The following PJA2 variants were observed in gnomAD, a reference collection of about 807,000 sequenced individuals.
PJA2 encodes the protein praja ring finger ubiquitin ligase 2.
PJA2 carries 25 observed loss-of-function variants against 69.3 expected under a neutral mutation model. The observed-to-expected ratio is 0.36, with a 90% CI of 0.26 to 0.50. PJA2 has a LOEUF of 0.50. Ranked by LOEUF, PJA2 falls within the 20% of genes least tolerant of loss-of-function variation. PJA2 has a pLI of 0.96. For synonymous variants in PJA2, 308 were observed against 277.8 expected (o/e 1.11, Z -1.08); for missense variants, 809 against 830.2 (o/e 0.97, Z 0.31).
In PJA2 at chr5:109,337,199, T is replaced by C. The variant is rs1239536405; in HGVS notation, c.*32A>G. 6.2e-7 allele frequency: 1 copy of C among 1,604,616 alleles called. No individual in the cohort carries two copies. Among genetic ancestry groups the C allele is most frequent in the Non-Finnish European group, 8.5e-7 (1 of 1,176,296 alleles). The stretch of plus-strand genomic sequence containing the variant: ...TTAGAAGGAATTTGCAGATTTACTT[T>C]GATACACTGATCTCATTTCAACTGT... On this transcript the variant is annotated 3_prime_UTR_variant, in exon 10 of 10. Coordinates refer to ENST00000361189, the MANE Select transcript of PJA2 (RefSeq NM_014819.5).
chr5:109,367,683 A>C (rs1414869604), intron 5 of PJA2, among the ~76,000 whole-genome samples: 3 of 152,232 alleles, frequency 2.0e-5, no homozygotes, highest in Non-Finnish European at 4.4e-5. Context: ...TCATTATAAA[A>C]ATCCCATGTA....
chr5:109,402,389 T>C (rs1184229232), intron 1 of PJA2, among the ~76,000 whole-genome samples: 1 of 152,110 alleles, frequency 6.6e-6, no homozygotes, highest in Admixed American at 6.5e-5. Flanking sequence ...AGAGGCTGTA[T>C]TAATATTAGA....
At chr5:109,407,556 TA>T (rs1361366297) in intron 1 of PJA2, among the ~76,000 whole-genome samples, 1 of 152,186 alleles carries the variant, frequency 6.6e-6, no homozygotes, top group African/African-American at 2.4e-5. Context: ...CAACATTTTA[TA>T]AGATGTATAA....
chr5:109,402,710 T>C (rs1235144514), intron 1 of PJA2, among the ~76,000 whole-genome samples: 1 of 152,176 alleles, frequency 6.6e-6, no homozygotes, highest in Non-Finnish European at 1.5e-5. Flanking sequence ...ATACACATTA[T>C]TTTGAAGTGT....
chr5:109,388,848 C>T (rs1211099329), intron 1 of PJA2, among the ~76,000 whole-genome samples: 1 of 152,138 alleles, frequency 6.6e-6, no homozygotes. Flanking sequence ...GTATAATTAA[C>T]TTACCCTGCA....
chr5:109,368,154 A>C (rs1474030826), intron 5 of PJA2, among the ~76,000 whole-genome samples: 2 of 152,216 alleles, frequency 1.3e-5, no homozygotes, highest in African/African-American at 4.8e-5. Context: ...GATCTCATCC[A>C]ATGCAATTAG....
At chr5:109,359,623 T>C (rs114676094) in intron 6 of PJA2, among the ~76,000 whole-genome samples, 4,205 of 152,188 alleles carry the variant, frequency 0.028, 87 homozygotes, top group Non-Finnish European at 0.042. Flanking sequence ...AAAAAATAAA[T>C]GACCTGTACT....
intron 1 of PJA2, among the ~76,000 whole-genome samples, chr5:109,407,511 C>A (rs1017737201): frequency 6.6e-6 from 1 of 152,120 alleles, no homozygotes; most frequent in Non-Finnish European, 1.5e-5. Context: ...TTGTTGTTAG[C>A]TATCAGTGCT....
At position 109,335,049 on chromosome 5, in the gene PJA2, A is replaced by C. The variant is rs1385069076; in HGVS notation, c.*2182T>G. 1.3e-5 allele frequency: 2 copies of C among 152,660 alleles called. No individual in the cohort carries two copies. Among genetic ancestry groups the C allele is most frequent in the African/African-American group, 4.8e-5 (2 of 41,460 alleles). 9.5% of individuals were successfully genotyped at this position (152,660 alleles called of 1,614,324 possible). On this transcript the variant is annotated 3_prime_UTR_variant, in exon 10 of 10. Transcript: ENST00000361189. ...AAATAAGATAAATGCTATTTTATTA[A>C]TATTCATACTTATTTCTAATTTACC...
intron 6 of PJA2, among the ~76,000 whole-genome samples, chr5:109,358,229 A>AC (rs1447701744): frequency 1.3e-5 from 2 of 152,204 alleles, no homozygotes; most frequent in African/African-American, 4.8e-5. Context: ...AGGGAGGGAA[A>AC]CCGCTTAAAG....
chr5:109,354,909 G>A (rs1169846103), intron 7 of PJA2, among the ~76,000 whole-genome samples: 2 of 151,884 alleles, frequency 1.3e-5, no homozygotes, highest in African/African-American at 2.4e-5. Context: ...CAGGGCAGGA[G>A]TTTGAGACCA....
chr5:109,381,429 C>A lies in PJA2; in HGVS notation c.232+74G>T, dbSNP rs1371062462. On this transcript the variant is annotated intron_variant, in intron 3 of 9. Coordinates refer to ENST00000361189, the MANE Select transcript of PJA2 (RefSeq NM_014819.5). The stretch of plus-strand genomic sequence containing the variant: ...TACACTCACAGACATGCATAATACC[C>A]ACCCAAAAATTTAATTATAAGATCA... 6.4e-6 allele frequency: 8 copies of A among 1,255,832 alleles called. No homozygotes were observed. In the East Asian group the frequency reaches 2.0e-4, roughly 32 times the overall value. 77.8% of individuals were successfully genotyped at this position (1,255,832 alleles called of 1,614,324 possible).
chr5:109,368,478 T>G, intron 5 of PJA2, 83 bp downstream of exon 5: 1 of 1,258,176 alleles, frequency 7.9e-7, no homozygotes, highest in Non-Finnish European at 1.1e-6. Context: ...ATAAATACAA[T>G]TAATGGCATA....
chr5:109,394,759 C>T (rs1747370171), intron 1 of PJA2, among the ~76,000 whole-genome samples: 1 of 152,158 alleles, frequency 6.6e-6, no homozygotes, highest in African/African-American at 2.4e-5. Context: ...TCTAACCACA[C>T]AGATAAACAT....
intron 7 of PJA2, among the ~76,000 whole-genome samples, chr5:109,351,242 T>C (rs1582588429): frequency 1.3e-5 from 2 of 152,162 alleles, no homozygotes; most frequent in Admixed American, 1.3e-4. Flanking sequence ...TATTAATTTA[T>C]TTAGGTGAAC....
intron 1 of PJA2, among the ~76,000 whole-genome samples, chr5:109,384,762 A>G (rs1820806): frequency 0.18 from 27,240 of 152,130 alleles, 3,781 homozygotes; most frequent in African/African-American, 0.38. Flanking sequence ...AAAGGAATAT[A>G]AAAATAATAA....
chr5:109,357,385 A>C (rs1279987742), intron 6 of PJA2, among the ~76,000 whole-genome samples: 1 of 152,096 alleles, frequency 6.6e-6, no homozygotes, highest in South Asian at 2.1e-4. Context: ...TGGTTCTTGA[A>C]AAGAGTAATG....
chr5:109,342,819 G>A (rs1189502645), intron 9 of PJA2, among the ~76,000 whole-genome samples: 3 of 90,034 alleles, frequency 3.3e-5, no homozygotes, highest in East Asian at 3.2e-4. Flanking sequence ...CGCCCCGTCC[G>A]GGAGGGAGGT....
At chr5:109,343,075 G>A (rs1762105940) in intron 9 of PJA2, among the ~76,000 whole-genome samples, 1 of 109,200 alleles carries the variant, frequency 9.2e-6, no homozygotes, top group South Asian at 3.3e-4. Flanking sequence ...GGCGGGAAAG[G>A]TGGGGAAAAG....
Sources: gnomAD v4.1 joint callset for allele counts (sites outside exome capture counted in the v4.1 genomes callset) on GRCh38, gnomAD v4.1.1 for gene constraint, MANE v1.5 for transcripts, NCBI Gene and HGNC (gene_info 2026-07-23, HGNC 2026-07-21) for gene names.